RBFOX1: variants seen among roughly 807,000 people sequenced by gnomAD.
RBFOX1 encodes the protein RNA binding protein fox-1 homolog 1.
A neutral mutation model predicts 57.7 loss-of-function variants in RBFOX1; 8 were observed. The ratio of observed to expected loss-of-function variants is 0.14; its 90% confidence interval spans 0.08 to 0.25. The LOEUF (loss-of-function observed/expected upper bound fraction) is 0.25. Ranked by LOEUF, RBFOX1 falls within the 10% of genes least tolerant of loss-of-function variation. The probability of loss-of-function intolerance (pLI) is 1.00; values close to 1 mark genes in which losing one functional copy is unlikely to be tolerated. For missense variants in RBFOX1, 611 were observed against 548.5 expected (o/e 1.11, Z -1.14); for synonymous variants, 326 against 222.4 (o/e 1.47, Z -4.15).
chr16:7,316,749 G>A (rs1156966229), intron 4 of RBFOX1, among the ~76,000 whole-genome samples: 1 of 152,068 alleles, frequency 6.6e-6, no homozygotes, highest in Non-Finnish European at 1.5e-5. Flanking sequence ...TAGGCAAGGA[G>A]GTGGGGTCAG....
intron 2 of RBFOX1, among the ~76,000 whole-genome samples, chr16:6,579,427 C>G (rs140374425): frequency 6.6e-6 from 1 of 152,026 alleles, no homozygotes; most frequent in Non-Finnish European, 1.5e-5. Context: ...TTCCCATAAT[C>G]CCCATGTGTC....
chr16:5,854,170 T>C (rs1000496297), intron 3 of RBFOX1, among the ~76,000 whole-genome samples: 5 of 152,246 alleles, frequency 3.3e-5, no homozygotes, highest in African/African-American at 1.2e-4. Flanking sequence ...CACATAGTTA[T>C]GATTTGAGTG....
intron 1 of RBFOX1, among the ~76,000 whole-genome samples, chr16:5,445,860 A>G (rs1352752574): frequency 6.6e-6 from 1 of 152,254 alleles, no homozygotes; most frequent in Non-Finnish European, 1.5e-5. Context: ...CGTCTGCAAA[A>G]TAAAACATCT....
In RBFOX1 at chr16:6,009,816, C is replaced by CTCTGTGTGTGTGTGTGTGTG. The variant is rs1555469438; in HGVS notation, c.351+142482_351+142483insCTGTGTGTGTGTGTGTGTGT. ...GCAGTGTGTGTATGTGTGTGTGTGT[C>CTCTGTGTGTGTGTGTGTGTG]TGTGTGTGTGTGTGTGTGTATAGGG... On this transcript the variant is annotated intron_variant, in intron 4 of 19. Coordinates refer to the RBFOX1 transcript ENST00000641259. 1.4e-3 allele frequency among the ~76,000 whole-genome samples: 209 copies of CTCTGTGTGTGTGTGTGTGTG among 148,532 alleles called. 2 individuals carry two copies. In the Middle Eastern group the frequency reaches 0.017, roughly 12 times the overall value.
At chr16:6,312,954 A>G (rs2080551771) in intron 1 of RBFOX1, among the ~76,000 whole-genome samples, 1 of 152,156 alleles carries the variant, frequency 6.6e-6, no homozygotes, top group South Asian at 2.1e-4. Flanking sequence ...ATAATTTTTA[A>G]TTGGATGCAA....
chr16:6,954,340 T>A lies in RBFOX1; in HGVS notation c.-15-97717T>A, dbSNP rs575436251. Among the ~76,000 whole-genome samples the A allele has an allele frequency of 1.2e-4, 18 of 152,244 alleles. No homozygotes were observed. In the South Asian group the frequency reaches 3.3e-3, roughly 28 times the overall value. On this transcript the variant is annotated intron_variant, in intron 3 of 15. Transcript: ENST00000550418. ...GCGTTTTAAGGTCTGAGGAGTTGATTTATAGTTACAATAACGGTCTTCCAT... is the reference window on the plus strand; with the variant it reads ...GCGTTTTAAGGTCTGAGGAGTTGATATATAGTTACAATAACGGTCTTCCAT...
In RBFOX1 at chr16:5,569,017, T is replaced by C. The variant is rs1397176587; in HGVS notation, c.259-29885T>C. Among the ~76,000 whole-genome samples, 25 of 36,846 alleles carry C rather than the reference T, an allele frequency of 6.8e-4. 1 individual carries two copies. The highest frequency in any genetic ancestry group is 9.1e-4 in the Non-Finnish European group (19 of 20,914). The allele number at this position is 36,846 out of a possible 152,430, so 24.2% of individuals were successfully genotyped here. A position where few individuals can be genotyped will look rare whatever the true frequency, so the allele number is the denominator to read the frequency against. On this transcript the variant is annotated intron_variant, in intron 2 of 2. Transcript: ENST00000585867. ...CACCACGCCCGGCTAATTTTTGTAT[T>C]TTTTTTTTTTTTTTGGTAGAGGCAG...
intron 2 of RBFOX1, among the ~76,000 whole-genome samples, chr16:6,614,814 C>T (rs932359851): frequency 2.0e-5 from 3 of 152,178 alleles, no homozygotes; most frequent in African/African-American, 7.2e-5. Flanking sequence ...GACCTAGGGA[C>T]TCACCCTACT....
chr16:6,012,171 G>A lies in RBFOX1; in HGVS notation c.351+144836G>A, dbSNP rs575566276. On this transcript the variant is annotated intron_variant, in intron 4 of 19. Coordinates refer to the RBFOX1 transcript ENST00000641259. ...TAAATTAATTGCTTACTACCTTGGC[G>A]ACTGTGAGCAAATGTCTTCATTTCT... is the stretch of plus-strand genomic sequence containing the variant. Among the ~76,000 whole-genome samples, 19 of 152,308 alleles carry A rather than the reference G, an allele frequency of 1.2e-4. No homozygotes were observed. The South Asian group carries it at 2.7e-3, about 22-fold the overall frequency.
At chr16:5,863,856 G>GA (rs199883188) in intron 3 of RBFOX1, among the ~76,000 whole-genome samples, 332 of 152,096 alleles carry the variant, frequency 2.2e-3, no homozygotes, top group African/African-American at 7.7e-3. Context: ...TCTTTAATAA[G>GA]AAAAAAATAG....
chr16:7,582,178 C>A (rs886743873), intron 6 of RBFOX1, among the ~76,000 whole-genome samples: 1 of 152,098 alleles, frequency 6.6e-6, no homozygotes, highest in Non-Finnish European at 1.5e-5. Flanking sequence ...CATGCATTCA[C>A]CACTTCACTT....
intron 2 of RBFOX1, among the ~76,000 whole-genome samples, chr16:6,580,747 T>C (rs1000469051): frequency 3.3e-5 from 5 of 152,138 alleles, no homozygotes; most frequent in Admixed American, 6.5e-5. Context: ...GAGAAGTAAG[T>C]TCCCTGGCCC....
At chr16:7,616,583 A>AT (rs1342106266) in intron 10 of RBFOX1, among the ~76,000 whole-genome samples, 1 of 152,160 alleles carries the variant, frequency 6.6e-6, no homozygotes, top group African/African-American at 2.4e-5. Flanking sequence ...TGTTTTTGGG[A>AT]TGGAGTCTCT....
intron 1 of RBFOX1, among the ~76,000 whole-genome samples, chr16:6,253,986 A>G (rs2097644713): frequency 6.6e-6 from 1 of 152,164 alleles, no homozygotes; most frequent in African/African-American, 2.4e-5. Flanking sequence ...ATAAAGAACC[A>G]GGGAACAAAG....
At chr16:5,409,296 C>T (rs919116314) in intron 1 of RBFOX1, among the ~76,000 whole-genome samples, 1 of 152,114 alleles carries the variant, frequency 6.6e-6, no homozygotes, top group Non-Finnish European at 1.5e-5. Context: ...CCTAGGGGAG[C>T]CCCCCAGGTG....
At chr16:7,465,183 T>G (rs1395109525) in intron 4 of RBFOX1, among the ~76,000 whole-genome samples, 1 of 152,206 alleles carries the variant, frequency 6.6e-6, no homozygotes, top group Non-Finnish European at 1.5e-5. Flanking sequence ...TTTGACATTC[T>G]TTACAAACCT....
chr16:7,455,986 G>A (rs1452546359), intron 4 of RBFOX1, among the ~76,000 whole-genome samples: 1 of 152,038 alleles, frequency 6.6e-6, no homozygotes, highest in East Asian at 1.9e-4. Flanking sequence ...CTTTTATTAA[G>A]GGCAGGGCCA....
chr16:7,102,345 C>A (rs954830311), intron 4 of RBFOX1, among the ~76,000 whole-genome samples: 10 of 152,150 alleles, frequency 6.6e-5, no homozygotes, highest in Non-Finnish European at 8.8e-5. Context: ...TGATACAGAG[C>A]CTAAGTCTTA....
At chr16:5,349,088 C>T (rs963605567) in intron 1 of RBFOX1, among the ~76,000 whole-genome samples, 1 of 152,154 alleles carries the variant, frequency 6.6e-6, no homozygotes, top group African/African-American at 2.4e-5. Context: ...TTGTTATCTG[C>T]AATGGAGTAT....
Sources: allele counts gnomAD v4.1 joint callset (sites outside exome capture counted in the v4.1 genomes callset), GRCh38; gene constraint gnomAD v4.1.1; transcripts MANE v1.5; gene names NCBI Gene and HGNC (gene_info 2026-07-23, HGNC 2026-07-21).